Variants in GALNT13 observed in about 807,000 individuals in gnomAD.
GALNT13 encodes UDP-GalNAc:polypeptide N-acetylgalactosaminyltransferase 13.
A neutral mutation model predicts 64.2 loss-of-function variants in GALNT13; 28 were observed. The observed-to-expected ratio is 0.44, with a 90% CI of 0.32 to 0.60. The LOEUF (loss-of-function observed/expected upper bound fraction) is 0.60, where lower values mean the gene tolerates loss of function less well. Among genes scored for constraint, GALNT13 ranks in the 20% least tolerant of loss-of-function variants. The probability of loss-of-function intolerance (pLI) is 0.05; values close to 1 mark genes in which losing one functional copy is unlikely to be tolerated. For missense variants in GALNT13, 577 were observed against 669.8 expected, an observed-to-expected ratio of 0.86 and a Z score of 1.53; for synonymous variants, 214 against 224.6, an observed-to-expected ratio of 0.95 and a Z score of 0.42.
At chr2:153,605,513 A>G in the GALNT13 span, among the ~76,000 whole-genome samples, 1 of 152,078 alleles carries the variant, frequency 6.6e-6, no homozygotes, top group Non-Finnish European at 1.5e-5. Flanking sequence ...TATTTGATGA[A>G]AGTTTTTTAG....
chr2:153,622,426 A>C, the GALNT13 span, among the ~76,000 whole-genome samples: 1 of 152,174 alleles, frequency 6.6e-6, no homozygotes, highest in South Asian at 2.1e-4. Flanking sequence ...TGAAGCATTA[A>C]AATAGCCACA....
intron 8 of GALNT13, among the ~76,000 whole-genome samples, chr2:154,278,672 T>C (rs1191963594): frequency 6.6e-6 from 1 of 152,054 alleles, no homozygotes; most frequent in Admixed American, 6.5e-5. Context: ...TTGTCAACAG[T>C]GTCAAATGCT....
intron 4 of GALNT13, among the ~76,000 whole-genome samples, chr2:154,226,213 A>G (rs897056890): frequency 2.0e-5 from 3 of 152,140 alleles, no homozygotes; most frequent in Non-Finnish European, 2.9e-5. Context: ...CTGAGCTCCA[A>G]TAATGATGTA....
At chr2:153,440,110 C>CT in the GALNT13 span, among the ~76,000 whole-genome samples, 1 of 151,770 alleles carries the variant, frequency 6.6e-6, no homozygotes, top group African/African-American at 2.4e-5. Flanking sequence ...TAGCCCCCCA[C>CT]CCCCAACAGG....
intron 1 of GALNT13, among the ~76,000 whole-genome samples, chr2:153,875,979 T>C (rs546565851): frequency 1.3e-5 from 2 of 152,268 alleles, no homozygotes; most frequent in Admixed American, 1.3e-4. Context: ...CATGTAGACA[T>C]CTTAAATCTA....
intron 4 of GALNT13, among the ~76,000 whole-genome samples, chr2:154,143,122 C>T (rs536325019): frequency 3.3e-5 from 5 of 152,186 alleles, no homozygotes; most frequent in East Asian, 1.9e-4. Context: ...GATTTCAAGA[C>T]GAAACTGTTC....
chr2:153,698,900 G>A, the GALNT13 span, among the ~76,000 whole-genome samples: 1 of 152,304 alleles, frequency 6.6e-6, no homozygotes, highest in East Asian at 1.9e-4. Flanking sequence ...TCAGACCACA[G>A]TGCAATCAAA....
the GALNT13 span, chr2:153,478,873 G>T: frequency 5.7e-6 from 2 of 353,662 alleles, no homozygotes; most frequent in Non-Finnish European, 1.0e-5. Flanking sequence ...TGCGGGCCGC[G>T]GCGGCTGCAG....
the GALNT13 span, among the ~76,000 whole-genome samples, chr2:153,262,061 G>A: frequency 6.6e-6 from 1 of 152,056 alleles, no homozygotes; most frequent in African/African-American, 2.4e-5. Context: ...CTCTACTATG[G>A]CCAAGCTGGT....
chr2:153,458,727 TTGAAA>T, the GALNT13 span, among the ~76,000 whole-genome samples: 5 of 152,232 alleles, frequency 3.3e-5, no homozygotes, highest in Admixed American at 6.5e-5. Context: ...TTAATGTTTC[TTGAAA>T]TGAATGAATG....
the GALNT13 span, among the ~76,000 whole-genome samples, chr2:153,772,336 T>A: frequency 1.3e-5 from 2 of 152,226 alleles, no homozygotes; most frequent in African/African-American, 4.8e-5. Flanking sequence ...TCTGCCTGTC[T>A]CCTCAAGTTT....
chr2:154,044,806 AT>A (rs1383190046), intron 3 of GALNT13, among the ~76,000 whole-genome samples: 2 of 152,092 alleles, frequency 1.3e-5, no homozygotes, highest in East Asian at 1.9e-4. Context: ...TTTAATTTTT[AT>A]TTTTTTAGAA....
the GALNT13 span, among the ~76,000 whole-genome samples, chr2:153,483,264 A>G: frequency 3.3e-5 from 5 of 152,254 alleles, no homozygotes; most frequent in Admixed American, 3.3e-4. Flanking sequence ...TTAAACAGGG[A>G]TATGTATATT....
At chr2:154,116,591 A>C (rs1299584586) in intron 3 of GALNT13, among the ~76,000 whole-genome samples, 1 of 152,176 alleles carries the variant, frequency 6.6e-6, no homozygotes, top group Non-Finnish European at 1.5e-5. Flanking sequence ...ACATACAGTC[A>C]AAGATATTAT....
At chr2:153,238,279 G>A in the GALNT13 span, among the ~76,000 whole-genome samples, 4,920 of 152,004 alleles carry the variant, frequency 0.032, 272 homozygotes, top group African/African-American at 0.11. Context: ...AATTCTGTGG[G>A]TGGTTCTCTT....
At chr2:154,444,235 T>C (rs948482265) in intron 12 of GALNT13, among the ~76,000 whole-genome samples, 6 of 151,974 alleles carry the variant, frequency 3.9e-5, no homozygotes, top group Admixed American at 2.6e-4. Flanking sequence ...AACTAAGGGT[T>C]GATATACCTA....
the GALNT13 span, among the ~76,000 whole-genome samples, chr2:153,358,952 A>G: frequency 6.6e-6 from 1 of 152,164 alleles, no homozygotes; most frequent in African/African-American, 2.4e-5. Flanking sequence ...ACAAAAAAAT[A>G]TTTTGGATGC....
the GALNT13 span, among the ~76,000 whole-genome samples, chr2:153,122,599 G>T: frequency 1.3e-5 from 2 of 152,178 alleles, no homozygotes; most frequent in African/African-American, 4.8e-5. Flanking sequence ...CTGGAGGCTT[G>T]TGGTTAGTGG....
chr2:154,067,645 T>C (rs1700537512), intron 3 of GALNT13, among the ~76,000 whole-genome samples: 1 of 152,038 alleles, frequency 6.6e-6, no homozygotes, highest in Admixed American at 6.6e-5. Flanking sequence ...AAAGGAAATA[T>C]TAGAGCTAAA....
Sources: allele counts gnomAD v4.1 joint callset (sites outside exome capture counted in the v4.1 genomes callset), GRCh38; gene constraint gnomAD v4.1.1; transcripts MANE v1.5; gene names NCBI Gene and HGNC (gene_info 2026-07-23, HGNC 2026-07-21).